Variants in GPR179 observed in about 807,000 individuals in gnomAD.
The protein encoded by GPR179 is probable G protein-coupled receptor 179.
Under a neutral mutation model 70.8 loss-of-function variants are expected in GPR179, and 52 were observed. That is an observed-to-expected ratio of 0.73 (90% CI 0.59 to 0.93). The LOEUF is 0.93. GPR179 is among the 40% of genes least tolerant of loss of function. The probability of loss-of-function intolerance (pLI) is 0.00; values close to 1 mark genes in which losing one functional copy is unlikely to be tolerated. For synonymous variants in GPR179, 1,123 were observed against 1,169.0 expected, an observed-to-expected ratio of 0.96 and a Z score of 0.80; for missense variants, 2,734 against 2,966.8, an observed-to-expected ratio of 0.92 and a Z score of 1.82.
chr17:38,343,421 C>T lies in GPR179; in HGVS notation c.369G>A (p.Val123=). The change falls in exon 1 of 11, where the codon GTG becomes GTA. Residue 123 remains valine (V), a synonymous_variant. Transcript: ENST00000616987. This position sits in a 1 kb window ranked among gnomAD's most constrained non-coding sequence, Gnocchi z 4.2. ...LQANDIRESS[V]EEDVEWYQAL... ...CCTGGTACCATTCCACATCCTCCTC[C>T]ACACTGGACTCACGGATGTCGTTGG... 6.2e-7 allele frequency: 1 copy of T among 1,614,164 alleles called. No homozygotes were observed. The highest frequency in any genetic ancestry group is 1.3e-5 in the African/African-American group (1 of 75,048).
At chr17:38,342,932 G>A in intron 1 of GPR179, 64 bp downstream of exon 1, 1 of 1,482,170 alleles carries the variant, frequency 6.7e-7, no homozygotes, top group Non-Finnish European at 9.1e-7. Flanking sequence ...CACAGCTGAG[G>A]GGACCTGTAC....
rs2037353523 is a variant in GPR179 at position 38,331,085 on chromosome 17, CCT to C, written c.2482_2483del (p.Arg828AlafsTer94). 1 of 1,600,464 alleles carries C rather than the reference CCT, an allele frequency of 6.2e-7. No homozygotes were observed. Among genetic ancestry groups the C allele is most frequent in the Non-Finnish European group, 8.5e-7 (1 of 1,179,102 alleles). On this transcript the variant is annotated frameshift_variant, in exon 11 of 11. Coordinates refer to ENST00000616987, the MANE Select transcript of GPR179 (RefSeq NM_001004334.4). LOFTEE classifies it low-confidence loss of function (END_TRUNC). Reference protein sequence around the residue: ...ASAHNLTVGERLPRARPASLQ... With the variant: ...ASAHNLTVGEXLPRARPASLQ... Reference sequence around the variant, plus strand: ...GAGAGGCGGGCCGGGCTCTGGGTAGCCTCTCTCCCACCGTCAGGTTGTGGGCG... The same window carrying C: ...GAGAGGCGGGCCGGGCTCTGGGTAGCCTCTCCCACCGTCAGGTTGTGGGCG...
chr17:38,342,969 C>A, intron 1 of GPR179, 27 bp downstream of exon 1: 1 of 1,561,592 alleles, frequency 6.4e-7, no homozygotes, highest in Non-Finnish European at 8.7e-7. Context: ...CCCACACATG[C>A]ATCAAATCCT....
Position 38,331,092 on chromosome 17 carries a change from C to T in GPR179, c.2477G>A (p.Gly826Glu). The change falls in exon 11 of 11, where the codon GGA (glycine) becomes GAA (glutamate). Residue 826 changes from glycine to glutamate, a missense_variant. Gly to Glu is a moderately conservative substitution (Grantham distance 98, BLOSUM62 -2). Coordinates refer to ENST00000616987, the MANE Select transcript of GPR179 (RefSeq NM_001004334.4). ...RSASAHNLTV[G>E]ERLPRARPAS... ...GGGCCGGGCTCTGGGTAGCCTCTCT[C>T]CCACCGTCAGGTTGTGGGCGCTGGC... The T allele has an allele frequency of 6.2e-7, 1 of 1,601,204 alleles. No homozygotes were observed. The highest frequency in any genetic ancestry group is 8.5e-7 in the Non-Finnish European group (1 of 1,179,306).
Position 38,327,439 on chromosome 17 carries a change from C to T in GPR179, c.6130G>A (p.Glu2044Lys), listed in dbSNP as rs780905154. The change falls in exon 11 of 11, where the codon GAG becomes AAG. Residue 2044 changes from glutamate (E) to lysine (K), a missense_variant. By Grantham distance (56) the Glu-to-Lys change is moderately conservative. Transcript: ENST00000616987. ...GATTTTTCTGGGGCTCTGCCTTTCT[C>T]TTCTTGAGAGTCCCCTTTTCCATCC... ...RQDGKGDSQE[E>K]KGRAPEKSEP... 9 of 1,614,114 alleles carry T rather than the reference C, an allele frequency of 5.6e-6. No individual in the cohort carries two copies. In the East Asian group the frequency reaches 6.7e-5, roughly 12 times the overall value.
In GPR179 at chr17:38,337,229, T is replaced by A. The variant is rs185401569; in HGVS notation, c.992-16A>T. ...TCCTCTAACCCTATAAAGAACAAGA[T>A]GAGTGCAGGGAGAGGGGCCCAGCTA... On this transcript the variant is annotated splice_polypyrimidine_tract_variant and intron_variant, in intron 3 of 10. Coordinates refer to ENST00000616987, the MANE Select transcript of GPR179 (RefSeq NM_001004334.4). 4.4e-4 allele frequency: 701 copies of A among 1,596,692 alleles called. 6 individuals are homozygous for A. The highest frequency in any genetic ancestry group is 2.2e-3 in the Middle Eastern group (13 of 6,036).
In GPR179 at chr17:38,327,356, C is replaced by T. The variant is rs938818520; in HGVS notation, c.6213G>A (p.Gln2071=). Residue 2071 remains glutamine, a synonymous_variant, in exon 11 of 11, where the codon CAG becomes CAA. Coordinates refer to ENST00000616987, the MANE Select transcript of GPR179 (RefSeq NM_001004334.4). Reference sequence around the variant, plus strand: ...GACTCTCCCAGGGACACACAGCCTCCTGCTGCCTGAAGTCTGCCATCTCTG... The same window carrying T: ...GACTCTCCCAGGGACACACAGCCTCTTGCTGCCTGAAGTCTGCCATCTCTG... ...KKPEMADFRQ[Q]EAVCPWESQD... 1 of 1,614,138 alleles carries T rather than the reference C, an allele frequency of 6.2e-7. No homozygotes were observed. The highest frequency in any genetic ancestry group is 1.3e-5 in the African/African-American group (1 of 74,938).
Position 38,334,125 on chromosome 17 carries a change from C to T in GPR179, c.1785-87G>A. On this transcript the variant is annotated intron_variant, in intron 8 of 10. Transcript: ENST00000616987. The surrounding 1 kb of genome is among the most constrained non-coding windows in gnomAD (Gnocchi z 4.7). Reference sequence around the variant, plus strand: ...TTCTCACTGGCGTTTCACCTCAGCCCCAACCCTGATACGCTTAGGACGAGG... The same window carrying T: ...TTCTCACTGGCGTTTCACCTCAGCCTCAACCCTGATACGCTTAGGACGAGG... The T allele has an allele frequency of 1.1e-6, 1 of 941,324 alleles. No individual in the cohort carries two copies. Among genetic ancestry groups the T allele is most frequent in the Non-Finnish European group, 1.7e-6 (1 of 573,166 alleles). The allele number at this position is 941,324 out of a possible 1,614,324, so 58.3% of individuals were successfully genotyped here.
Position 38,333,302 on chromosome 17 carries a change from G to T in GPR179, c.1986C>A (p.Ser662Arg). ...DLQHSGSYLG[S>R]SIASAWSEHS... is the part of the protein sequence containing the mutation. ...GCTCACTCCAGGCTGAGGCGATGCT[G>T]CTGCCAAGGTAGGAGCCTGAGTGCT... The change falls in exon 10 of 11, where the codon AGC becomes AGA. Residue 662 changes from serine (S) to arginine (R), a missense_variant. Physicochemically the swap from Ser to Arg is moderately radical, Grantham distance 110. Coordinates refer to ENST00000616987, the MANE Select transcript of GPR179 (RefSeq NM_001004334.4). 1 of 1,613,988 alleles carries T rather than the reference G, an allele frequency of 6.2e-7. No homozygotes were observed. Among genetic ancestry groups the T allele is most frequent in the Non-Finnish European group, 8.5e-7 (1 of 1,179,878 alleles).
Position 38,327,227 on chromosome 17 carries a change from C to G in GPR179, c.6342G>C (p.Val2114=), listed in dbSNP as rs752670976. 2 of 1,614,242 alleles carry G rather than the reference C, an allele frequency of 1.2e-6. No individual in the cohort carries two copies. Among genetic ancestry groups the G allele is most frequent in the Non-Finnish European group, 1.7e-6 (2 of 1,180,040 alleles). ...GAGCCTCTACCACTTCCCACAGACA[C>G]ACTTCCGCTACCCTGGTCTCCACAC... ...AGSVETRVAE[V]CLWEVVEAPS... The change falls in exon 11 of 11, where the codon GTG becomes GTC. Residue 2114 remains valine (V), a synonymous_variant. Coordinates refer to ENST00000616987, the MANE Select transcript of GPR179 (RefSeq NM_001004334.4).
rs1042358652 is a variant in GPR179, at chr17:38,327,769, C to T, written c.5800G>A (p.Ala1934Thr). ...SFPEHITQEKAPAADTEEFTT... is the reference protein window; with the variant it reads ...SFPEHITQEKTPAADTEEFTT... ...AATTCTTCTGTGTCTGCAGCTGGAG[C>T]TTTTTCTTGGGTTATGTGTTCTGGG... The change falls in exon 11 of 11, where the codon GCT becomes ACT. Residue 1934 changes from alanine (A) to threonine (T), a missense_variant. Transcript: ENST00000616987. 2 of 1,614,118 alleles carry T rather than the reference C, an allele frequency of 1.2e-6. No individual in the cohort carries two copies. The highest frequency in any genetic ancestry group is 2.7e-5 in the African/African-American group (2 of 75,010).
rs2037358274 is a variant in GPR179, at chr17:38,331,353, C to T, written c.2216G>A (p.Gly739Glu). ...ALARQHSRDS[G>E]SPGHGSLPGS... ...GGGCAGGCTGCCGTGGCCTGGGGAT[C>T]CTGAGTCCCGGGAGTGCTGCCTGGC... Residue 739 changes from glycine (G) to glutamate (E), a missense_variant, in exon 11 of 11, where the codon GGA becomes GAA. Physicochemically the swap from Gly to Glu is moderately conservative, Grantham distance 98. Coordinates refer to ENST00000616987, the MANE Select transcript of GPR179 (RefSeq NM_001004334.4). The T allele has an allele frequency of 2.5e-6, 4 of 1,612,640 alleles. No individual in the cohort carries two copies. Among genetic ancestry groups the T allele is most frequent in the South Asian group, 1.1e-5 (1 of 90,922 alleles).
chr17:38,330,735 G>T lies in GPR179; in HGVS notation c.2834C>A (p.Ser945Tyr), dbSNP rs929115406. 1.3e-6 allele frequency: 2 copies of T among 1,589,080 alleles called. No individual in the cohort carries two copies. Among genetic ancestry groups the T allele is most frequent in the Non-Finnish European group, 1.7e-6 (2 of 1,165,326 alleles). The change falls in exon 11 of 11, where the codon TCT becomes TAT. Residue 945 changes from serine to tyrosine, a missense_variant. Transcript: ENST00000616987. The part of the protein sequence containing the change: ...HQVSTPILAL[S>Y]GGLGEPRMLS... ...CATCCTTGGCTCTCCCAGGCCCCCA[G>T]ACAGGGCCAAGATGGGGGTAGAAAC...
At position 38,331,454 on chromosome 17, in the gene GPR179, G is replaced by A. The variant is rs2144264794; in HGVS notation, c.2115C>T (p.Pro705=). ...KEMAANNPHL[P]KKRGSSCQGL... ...CCTGGCATGAGCTGCCTCGCTTCTT[G>A]GGCAGGTGGGGGTTGTTTGCGGCCA... The change falls in exon 11 of 11, where the codon CCC becomes CCT. Residue 705 remains proline (P), a synonymous_variant. Coordinates refer to ENST00000616987, the MANE Select transcript of GPR179 (RefSeq NM_001004334.4). 1.2e-6 allele frequency: 2 copies of A among 1,614,176 alleles called. No individual in the cohort carries two copies. The highest frequency in any genetic ancestry group is 1.7e-4 in the Middle Eastern group (1 of 6,060).
Position 38,328,655 on chromosome 17 carries a change from A to G in GPR179, c.4914T>C (p.Pro1638=), listed in dbSNP as rs761536483. 33 of 1,613,980 alleles carry G rather than the reference A, an allele frequency of 2.0e-5. No homozygotes were observed. Among genetic ancestry groups the G allele is most frequent in the Non-Finnish European group, 2.8e-5 (33 of 1,180,024 alleles). Residue 1638 remains proline, a synonymous_variant, in exon 11 of 11, where the codon CCT becomes CCC. Transcript: ENST00000616987. The part of the protein sequence containing the change: ...EIEDVTAWEK[P]EGQIQKQEAV... Reference sequence around the variant, plus strand: ...CTTCTTGCTTTTGGATCTGCCCCTCAGGCTTTTCCCAAGCTGTGACATCTT... The same window carrying G: ...CTTCTTGCTTTTGGATCTGCCCCTCGGGCTTTTCCCAAGCTGTGACATCTT...
intron 1 of GPR179, among the ~76,000 whole-genome samples, chr17:38,340,300 C>A (rs1283211226): frequency 2.0e-5 from 3 of 152,148 alleles, no homozygotes; most frequent in African/African-American, 7.2e-5. Context: ...CCATGCCTGG[C>A]TAGTTTTTAA....
At position 38,329,702 on chromosome 17, in the gene GPR179, C is replaced by A. The variant is rs377272189; in HGVS notation, c.3867G>T (p.Lys1289Asn). The A allele has an allele frequency of 4.3e-6, 7 of 1,614,058 alleles. No homozygotes were observed. In the East Asian group the frequency reaches 1.6e-4, roughly 36 times the overall value. ...CTGATTTTCCCCGGGCCTCCCCTCT[C>A]TTTTTTTGGGAGTCACCTGGGTCTT... ...LRQDPGDSQKKRGEARGKSEP... is the reference protein window; with the variant it reads ...LRQDPGDSQKNRGEARGKSEP... Residue 1289 changes from lysine to asparagine, a missense_variant, in exon 11 of 11, where the codon AAG becomes AAT. Coordinates refer to ENST00000616987, the MANE Select transcript of GPR179 (RefSeq NM_001004334.4).
intron 1 of GPR179, among the ~76,000 whole-genome samples, chr17:38,341,845 T>C (rs2037451442): frequency 1.3e-5 from 2 of 152,034 alleles, no homozygotes; most frequent in South Asian, 4.2e-4. Context: ...CCGCTGGGTG[T>C]GGTGGCTCAC....
In GPR179 at chr17:38,334,721, A is replaced by G. The variant is rs550119296; in HGVS notation, c.1767T>C (p.Ala589=). 3.7e-6 allele frequency: 6 copies of G among 1,613,836 alleles called. No individual in the cohort carries two copies. The highest frequency in any genetic ancestry group is 1.7e-5 in the Admixed American group (1 of 60,020). ...IALHNELLLS[A]AFHTARFVLV... ...GTCCTCACCTGGCTGTGTGGAAGGC[A>G]GCGGAAAGCAGTAGCTCATTGTGCA... is the stretch of plus-strand genomic sequence containing the variant. The change falls in exon 8 of 11, where the codon GCT becomes GCC. Residue 589 remains alanine (A), a synonymous_variant. Transcript: ENST00000616987. This position sits in a 1 kb window ranked among gnomAD's most constrained non-coding sequence, Gnocchi z 4.7.
Sources: allele counts gnomAD v4.1 joint callset (sites outside exome capture counted in the v4.1 genomes callset), GRCh38; gene constraint gnomAD v4.1.1; non-coding constraint Gnocchi (gnomAD v3.1); transcripts MANE v1.5; gene names NCBI Gene and HGNC (gene_info 2026-07-23, HGNC 2026-07-21).